Variants in SOHLH2 observed in about 807,000 individuals in gnomAD.
SOHLH2 encodes the protein spermatogenesis and oogenesis specific basic helix-loop-helix 2.
A neutral mutation model predicts 50.4 loss-of-function variants in SOHLH2; 22 were observed. The ratio of observed to expected loss-of-function variants is 0.44; its 90% CI spans 0.31 to 0.62. The LOEUF (loss-of-function observed/expected upper bound fraction) is 0.62. SOHLH2 is among the 20% of genes least tolerant of loss of function. The pLI is 0.08. For missense variants in SOHLH2, 412 were observed against 504.4 expected, an observed-to-expected ratio of 0.82 and a Z score of 1.76; for synonymous variants, 185 against 187.3, an observed-to-expected ratio of 0.99 and a Z score of 0.10.
chr13:36,212,624 G>A (rs1869194659), intron 1 of SOHLH2, among the ~76,000 whole-genome samples: 1 of 152,178 alleles, frequency 6.6e-6, no homozygotes, highest in South Asian at 2.1e-4. Flanking sequence ...GGCTTCGTTT[G>A]ATGAAATATC....
chr13:36,192,016 G>A, intron 4 of SOHLH2, 122 bp from the exon 5 acceptor site: 2 of 1,115,838 alleles, frequency 1.8e-6, no homozygotes, highest in East Asian at 2.6e-5. Context: ...TTACAAAGCA[G>A]TATTTTTAAA....
intron 8 of SOHLH2, among the ~76,000 whole-genome samples, chr13:36,174,052 A>G (rs1350721556): frequency 6.6e-6 from 1 of 152,194 alleles, no homozygotes; most frequent in Non-Finnish European, 1.5e-5. Flanking sequence ...AGAAGAAAGT[A>G]ATCATTTGGG....
At chr13:36,188,241 C>A (rs551138579) in intron 6 of SOHLH2, among the ~76,000 whole-genome samples, 1 of 152,328 alleles carries the variant, frequency 6.6e-6, no homozygotes, top group South Asian at 2.1e-4. Flanking sequence ...CCTGCTCGAA[C>A]TGCTAACCCA....
intron 4 of SOHLH2, among the ~76,000 whole-genome samples, chr13:36,192,271 C>T (rs1298637553): frequency 3.9e-5 from 6 of 152,118 alleles, no homozygotes; most frequent in African/African-American, 1.4e-4. Context: ...AATATAGCAT[C>T]TGAAAAAAAT....
rs1887025509 is a variant in SOHLH2 at position 36,173,720 on chromosome 13, T to C, written c.972A>G (p.Ala324=). ...TCACAGCTTCATCCAAGGAGCTCTC[T>C]GCATCAGGAGTGGAGCACCCATTCC... The part of the protein sequence containing the change: ...TCWNGCSTPD[A]ESSLDEAVRV... Residue 324 remains alanine, a synonymous_variant, in exon 9 of 11, where the codon GCA becomes GCG. Coordinates refer to ENST00000379881, the MANE Select transcript of SOHLH2 (RefSeq NM_017826.3). 1.2e-6 allele frequency: 2 copies of C among 1,613,494 alleles called. No homozygotes were observed. The highest frequency in any genetic ancestry group is 1.7e-6 in the Non-Finnish European group (2 of 1,179,942).
chr13:36,182,215 G>A (rs1452962099), intron 6 of SOHLH2: 2 of 985,256 alleles, frequency 2.0e-6, no homozygotes, highest in South Asian at 4.7e-5. Context: ...TTCATGGGGA[G>A]AGAATTTTTG....
In SOHLH2 at chr13:36,214,472, C is replaced by T. The variant is rs12873213; in HGVS notation, c.48+7G>A. 9 of 1,612,760 alleles carry T rather than the reference C, an allele frequency of 5.6e-6. No individual in the cohort carries two copies. The East Asian group carries it at 2.0e-4, about 36-fold the overall frequency. On this transcript the variant is annotated splice_region_variant and intron_variant, in intron 1 of 10. Transcript: ENST00000379881. Reference sequence around the variant, plus strand: ...ACGCAGCTGCCTCCCCTTCCACAGCCTCTTACCTGGCCCGAGATCTGGCAG... The same window carrying T: ...ACGCAGCTGCCTCCCCTTCCACAGCTTCTTACCTGGCCCGAGATCTGGCAG...
rs568518976 is a variant in SOHLH2 at position 36,197,142 on chromosome 13, C to A, written c.264-3275G>T. ...CAAAATCAAACTGTAGGCTCTGAGA[C>A]CTTCTCAATTAATGTCTCTTGTGTT... On this transcript the variant is annotated intron_variant, in intron 2 of 10. Coordinates refer to ENST00000379881, the MANE Select transcript of SOHLH2 (RefSeq NM_017826.3). Among the ~76,000 whole-genome samples, 12 of 152,286 alleles carry A rather than the reference C, an allele frequency of 7.9e-5. No homozygotes were observed. In the South Asian group the frequency reaches 2.5e-3, roughly 32 times the overall value.
chr13:36,190,440 C>G (rs1029155871), intron 5 of SOHLH2, among the ~76,000 whole-genome samples: 7 of 152,162 alleles, frequency 4.6e-5, no homozygotes, highest in African/African-American at 1.4e-4. Flanking sequence ...GGACAAGATA[C>G]ACCCTAGGCC....
intron 1 of SOHLH2, among the ~76,000 whole-genome samples, chr13:36,203,927 T>A (rs1868585133): frequency 6.6e-6 from 1 of 151,432 alleles, no homozygotes; most frequent in South Asian, 2.1e-4. Flanking sequence ...TTCCAGTCTG[T>A]CACTCTGCCT....
intron 2 of SOHLH2, among the ~76,000 whole-genome samples, chr13:36,197,628 G>A (rs531635975): frequency 1.3e-5 from 2 of 152,310 alleles, no homozygotes; most frequent in African/African-American, 2.4e-5. Context: ...CTTGAGTACA[G>A]TTACCCACTA....
chr13:36,181,180 T>C (rs1887245463), intron 6 of SOHLH2, among the ~76,000 whole-genome samples: 1 of 152,214 alleles, frequency 6.6e-6, no homozygotes, highest in Non-Finnish European at 1.5e-5. Flanking sequence ...TAAAATAGCC[T>C]ATCTGACTTT....
At position 36,185,142 on chromosome 13, in the gene SOHLH2, G is replaced by A. The variant is rs541290607; in HGVS notation, c.641+4804C>T. ...CTACATAGTATTGTGTGGTGTATAT[G>A]TGCCACATTTTCAAAGACTTTTTTT... On this transcript the variant is annotated intron_variant, in intron 6 of 10. Coordinates refer to ENST00000379881, the MANE Select transcript of SOHLH2 (RefSeq NM_017826.3). Among the ~76,000 whole-genome samples, 13 of 151,276 alleles carry A rather than the reference G, an allele frequency of 8.6e-5. No homozygotes were observed. The South Asian group carries it at 2.5e-3, about 29-fold the overall frequency.
chr13:36,196,905 A>G (rs1239752002), intron 2 of SOHLH2, among the ~76,000 whole-genome samples: 2 of 152,184 alleles, frequency 1.3e-5, no homozygotes, highest in African/African-American at 4.8e-5. Flanking sequence ...AGTTCCCAGA[A>G]TCCAATACTC....
chr13:36,173,197 A>G (rs1887006966), intron 9 of SOHLH2, among the ~76,000 whole-genome samples: 1 of 152,178 alleles, frequency 6.6e-6, no homozygotes, highest in Non-Finnish European at 1.5e-5. Context: ...GCCTTCATGG[A>G]GGTGACATTC....
intron 9 of SOHLH2, among the ~76,000 whole-genome samples, chr13:36,173,296 G>T (rs1887010128): frequency 6.9e-6 from 1 of 144,384 alleles, no homozygotes; most frequent in African/African-American, 2.5e-5. Flanking sequence ...CAGAGAAAGT[G>T]GCTGAGAAGA....
intron 1 of SOHLH2, among the ~76,000 whole-genome samples, chr13:36,209,822 T>C (rs1352199759): frequency 6.6e-6 from 1 of 152,200 alleles, no homozygotes; most frequent in African/African-American, 2.4e-5. Context: ...TAAGTGGGTG[T>C]GAACAGGCAG....
At chr13:36,192,170 C>T (rs772262823) in intron 4 of SOHLH2, among the ~76,000 whole-genome samples, 4 of 152,172 alleles carry the variant, frequency 2.6e-5, no homozygotes, top group Non-Finnish European at 4.4e-5. Flanking sequence ...AAAACACATT[C>T]GACTGAGTTA....
chr13:36,174,050 G>A lies in SOHLH2; in HGVS notation c.882-240C>T, dbSNP rs188844915. Among the ~76,000 whole-genome samples, 593 of 152,304 alleles carry A rather than the reference G, an allele frequency of 3.9e-3. 3 individuals carry two copies. The highest frequency in any genetic ancestry group is 7.1e-3 in the Admixed American group (109 of 15,298). ...TATTCTGATCAATCTAGAGAAGAAA[G>A]TAATCATTTGGGAAGTCACATTTTG... On this transcript the variant is annotated intron_variant, in intron 8 of 10. Transcript: ENST00000379881.
Sources: gnomAD v4.1 joint callset for allele counts (sites outside exome capture counted in the v4.1 genomes callset) on GRCh38, gnomAD v4.1.1 for gene constraint, MANE v1.5 for transcripts, NCBI Gene and HGNC (gene_info 2026-07-23, HGNC 2026-07-21) for gene names.